The following TWF2 variants were observed in gnomAD, a reference collection of about 807,000 sequenced individuals.
The protein encoded by TWF2 is twinfilin actin binding protein 2.
A neutral mutation model predicts 45.1 loss-of-function variants in TWF2; 15 were observed. The observed-to-expected ratio is 0.33, with a 90% CI of 0.22 to 0.51. The LOEUF (loss-of-function observed/expected upper bound fraction) is 0.51. TWF2 is among the 20% of genes least tolerant of loss of function. The probability of loss-of-function intolerance (pLI) is 0.97; values close to 1 mark genes in which losing one functional copy is unlikely to be tolerated. For synonymous variants in TWF2, 177 were observed against 195.8 expected (o/e 0.90, Z 0.80); for missense variants, 423 against 469.1 (o/e 0.90, Z 0.91).
In TWF2 at chr3:52,230,885, G is replaced by A. The variant is rs773240482; in HGVS notation, c.594C>T (p.Val198=). 16 of 1,611,460 alleles carry A rather than the reference G, an allele frequency of 9.9e-6. No individual in the cohort carries two copies. Among genetic ancestry groups the A allele is most frequent in the African/African-American group, 1.3e-5 (1 of 74,830 alleles). ...RALQQLKQKM[V]NYIQMKLDLE... is the part of the protein sequence containing the mutation. ...AGGCACCCACCATCTGGATGTAGTT[G>A]ACCATTTTCTGCTTGAGCTGCTGGA... Residue 198 remains valine, a synonymous_variant, in exon 6 of 9, where the codon GTC becomes GTT. Transcript: ENST00000305533.
chr3:52,230,999 T>C lies in TWF2; in HGVS notation c.484-4A>G. 3 of 1,608,166 alleles carry C rather than the reference T, an allele frequency of 1.9e-6. No homozygotes were observed. Among genetic ancestry groups the C allele is most frequent in the Non-Finnish European group, 2.5e-6 (3 of 1,177,346 alleles). The stretch of plus-strand genomic sequence containing the variant: ...CCACACTGATCTCTGTCTTCACCTG[T>C]GGGTAGGGGAATGGTGAGGGAGGCC... On this transcript the variant is annotated splice_region_variant and splice_polypyrimidine_tract_variant and intron_variant, in intron 5 of 8. Coordinates refer to ENST00000305533, the MANE Select transcript of TWF2 (RefSeq NM_007284.4).
In TWF2 at chr3:52,230,059, T is replaced by C. The variant is rs141989183; in HGVS notation, c.621A>G (p.Leu207=). The C allele has an allele frequency of 4.3e-5, 68 of 1,592,668 alleles. No individual in the cohort carries two copies. Among genetic ancestry groups the C allele is most frequent in the Non-Finnish European group, 5.6e-5 (65 of 1,171,154 alleles). Residue 207 remains leucine, a synonymous_variant, in exon 7 of 9, where the codon CTA becomes CTG. Transcript: ENST00000305533. The stretch of plus-strand genomic sequence containing the variant: ...GCACCAGCTCAATGGTTTCCCGCTC[T>C]AGGTCCAGCTTCTGCCCAGGGCCAA... ...MVNYIQMKLD[L]ERETIELVHT...
At chr3:52,231,054 C>A in intron 5 of TWF2, 59 bp from the exon 6 acceptor site, 1 of 1,609,482 alleles carries the variant, frequency 6.2e-7, no homozygotes, top group Non-Finnish European at 8.5e-7. Context: ...GTGTGGCTCC[C>A]AGGCAGCACA....
At chr3:52,231,595 A>G in intron 3 of TWF2, 56 bp from the exon 4 acceptor site, 1 of 1,549,048 alleles carries the variant, frequency 6.5e-7, no homozygotes, top group South Asian at 1.2e-5. Flanking sequence ...CCTCTCCCGG[A>G]ACAGACAGGT....
chr3:52,229,975 G>T lies in TWF2; in HGVS notation c.705C>A (p.Arg235=), dbSNP rs746646011. The T allele has an allele frequency of 4.3e-6, 7 of 1,613,220 alleles. No homozygotes were observed. In the South Asian group the frequency reaches 6.6e-5, roughly 15 times the overall value. The change falls in exon 7 of 9, where the codon CGC becomes CGA. Residue 235 remains arginine, a synonymous_variant. Coordinates refer to ENST00000305533, the MANE Select transcript of TWF2 (RefSeq NM_007284.4). Reference sequence around the variant, plus strand: ...TGTGCTTGTAGAGGAAGAAGTGGTAGCGGGCAGCATCTCGGGGCACCCGGG... The same window carrying T: ...TGTGCTTGTAGAGGAAGAAGTGGTATCGGGCAGCATCTCGGGGCACCCGGG... ...LPSRVPRDAA[R]YHFFLYKHTH... is the part of the protein sequence containing the mutation.
chr3:52,231,817 G>A, intron 3 of TWF2, 127 bp downstream of exon 3: 3 of 1,381,138 alleles, frequency 2.2e-6, no homozygotes, highest in South Asian at 2.7e-5. Context: ...CTAGGGCACG[G>A]CCTGACAGCT....
At chr3:52,233,545 G>A (rs1456942923) in intron 2 of TWF2, among the ~76,000 whole-genome samples, 1 of 152,242 alleles carries the variant, frequency 6.6e-6, no homozygotes, top group Admixed American at 6.5e-5. Flanking sequence ...CCCATCGGGG[G>A]CCTGGACCCT....
chr3:52,234,046 G>A (rs1433586341), intron 2 of TWF2, among the ~76,000 whole-genome samples: 1 of 151,982 alleles, frequency 6.6e-6, no homozygotes. Flanking sequence ...ACTCCAGGAA[G>A]CCATCACTAA....
intron 2 of TWF2, among the ~76,000 whole-genome samples, chr3:52,234,202 G>A (rs1036277538): frequency 1.3e-5 from 2 of 152,112 alleles, no homozygotes; most frequent in African/African-American, 2.4e-5. Flanking sequence ...TGAGCACCAG[G>A]CCCATTCAGG....
intron 3 of TWF2, 93 bp downstream of exon 3, chr3:52,231,851 G>A: frequency 1.3e-6 from 2 of 1,521,332 alleles, no homozygotes; most frequent in Non-Finnish European, 8.9e-7. Flanking sequence ...CCAGGGGCAG[G>A]CCTGTGTCCC....
At chr3:52,231,017 G>T (rs771208126) in intron 5 of TWF2, 22 bp from the exon 6 acceptor site, 22 of 1,609,564 alleles carry the variant, frequency 1.4e-5, no homozygotes, top group Non-Finnish European at 1.9e-5. Context: ...GGAATGGTGA[G>T]GGAGGCCCTC....
intron 1 of TWF2, among the ~76,000 whole-genome samples, chr3:52,237,746 G>C (rs562263788): frequency 6.6e-6 from 1 of 152,332 alleles, no homozygotes; most frequent in Admixed American, 6.5e-5. Flanking sequence ...CCATCTGGGA[G>C]CCCTGGCCCT....
At chr3:52,235,207 AC>A in intron 1 of TWF2, 101 bp from the exon 2 acceptor site, 1 of 1,234,844 alleles carries the variant, frequency 8.1e-7, no homozygotes, top group South Asian at 1.3e-5. Flanking sequence ...TGAGCTGGGA[AC>A]CAGGTTAAAT....
chr3:52,228,696 C>A lies in TWF2; in HGVS notation c.*338G>T, dbSNP rs538212590. 1.0e-4 allele frequency: 32 copies of A among 317,762 alleles called. 1 individual carries two copies. In the South Asian group the frequency reaches 1.3e-3, roughly 13 times the overall value. 19.7% of individuals were successfully genotyped at this position (317,762 alleles called of 1,614,324 possible). ...TGACCCCTGCCCCAGCCCTGACTGA[C>A]CCCACTTCTTGTGGCCAAAGGTTTC... On this transcript the variant is annotated 3_prime_UTR_variant, in exon 9 of 9. Transcript: ENST00000305533.
chr3:52,231,699 G>A (rs1167523214), intron 3 of TWF2, among the ~76,000 whole-genome samples, 160 bp from the exon 4 acceptor site: 2 of 148,308 alleles, frequency 1.3e-5, no homozygotes, highest in East Asian at 1.9e-4. Context: ...CCACCAGCAG[G>A]GGGAGCCCTC....
intron 7 of TWF2, 69 bp from the exon 8 acceptor site, chr3:52,229,851 C>G: frequency 6.3e-7 from 1 of 1,595,096 alleles, no homozygotes; most frequent in African/African-American, 1.3e-5. Flanking sequence ...CAGAGCAGGC[C>G]TGCCCCACTG....
chr3:52,236,138 T>G (rs1699723647), intron 1 of TWF2, among the ~76,000 whole-genome samples: 2 of 151,792 alleles, frequency 1.3e-5, no homozygotes, highest in Non-Finnish European at 2.9e-5. Flanking sequence ...CCATCTCTAC[T>G]AAAAATACAA....
At chr3:52,234,018 G>T (rs1390989765) in intron 2 of TWF2, among the ~76,000 whole-genome samples, 3 of 152,132 alleles carry the variant, frequency 2.0e-5, no homozygotes, top group East Asian at 3.9e-4. Context: ...TTTAAGGGTG[G>T]GGTGGCTGTG....
rs1699650647 is a variant in TWF2, at chr3:52,228,921, G to A, written c.*113C>T. 3 of 1,474,558 alleles carry A rather than the reference G, an allele frequency of 2.0e-6. No homozygotes were observed. The Admixed American group carries it at 6.8e-5, about 33-fold the overall frequency. The allele number at this position is 1,474,558 out of a possible 1,614,324, so 91.3% of individuals were successfully genotyped here. ...ACGCTGCAAGTGCGTTCAGCTGCCA[G>A]CCCTCCTGACCTCCCAGAAACACTT... is the stretch of plus-strand genomic sequence containing the variant. On this transcript the variant is annotated 3_prime_UTR_variant, in exon 9 of 9. Coordinates refer to ENST00000305533, the MANE Select transcript of TWF2 (RefSeq NM_007284.4).
Sources: allele counts gnomAD v4.1 joint callset (sites outside exome capture counted in the v4.1 genomes callset), GRCh38; gene constraint gnomAD v4.1.1; transcripts MANE v1.5; gene names NCBI Gene and HGNC (gene_info 2026-07-23, HGNC 2026-07-21).